Variants in PXDNL observed in about 807,000 individuals in gnomAD.
PXDNL encodes the protein peroxidasin like.
Under a neutral mutation model 150.8 loss-of-function variants are expected in PXDNL, and 145 were observed. The observed-to-expected ratio is 0.96, with a 90% CI of 0.84 to 1.10. The LOEUF is 1.10. PXDNL is among the 50% of genes least tolerant of loss of function. PXDNL has a pLI of 0.00. For missense variants in PXDNL, 2,087 were observed against 1,873.9 expected (o/e 1.11, Z -2.10); for synonymous variants, 757 against 725.7 (o/e 1.04, Z -0.69).
At chr8:51,610,025 A>C (rs1279118379) in intron 2 of PXDNL, among the ~76,000 whole-genome samples, 1 of 96,736 alleles carries the variant, frequency 1.0e-5, no homozygotes, top group Non-Finnish European at 2.0e-5. Context: ...CTATTAATAC[A>C]ATAATCTTTC....
intron 12 of PXDNL, among the ~76,000 whole-genome samples, chr8:51,443,731 A>C (rs1809607658): frequency 6.6e-6 from 1 of 152,214 alleles, no homozygotes; most frequent in African/African-American, 2.4e-5. Flanking sequence ...TTTCAAATTC[A>C]ATCTCTTACA....
chr8:51,629,613 G>C (rs1477559358), intron 2 of PXDNL, among the ~76,000 whole-genome samples: 1 of 152,080 alleles, frequency 6.6e-6, no homozygotes, highest in East Asian at 1.9e-4. Flanking sequence ...GATCCGCAGA[G>C]AGACAAATTA....
chr8:51,454,017 C>T (rs891554766), intron 9 of PXDNL, among the ~76,000 whole-genome samples: 8 of 152,012 alleles, frequency 5.3e-5, no homozygotes, highest in South Asian at 4.1e-4. Flanking sequence ...CTTGATATCA[C>T]GATGTGTTAT....
intron 3 of PXDNL, among the ~76,000 whole-genome samples, chr8:51,586,095 T>A (rs1335034310): frequency 6.6e-6 from 1 of 152,178 alleles, no homozygotes; most frequent in African/African-American, 2.4e-5. Flanking sequence ...CACCAAAATA[T>A]GGAGCCTGTT....
At chr8:51,602,963 C>A (rs1486921287) in intron 2 of PXDNL, among the ~76,000 whole-genome samples, 3 of 151,170 alleles carry the variant, frequency 2.0e-5, no homozygotes, top group Non-Finnish European at 4.4e-5. Context: ...TTTTCTTAAG[C>A]TTTGTAGTTT....
At chr8:51,572,723 G>T (rs931173749) in intron 3 of PXDNL, among the ~76,000 whole-genome samples, 2 of 151,826 alleles carry the variant, frequency 1.3e-5, no homozygotes, top group Non-Finnish European at 2.9e-5. Flanking sequence ...TGTAATATAT[G>T]TCTTAACACA....
chr8:51,675,613 T>C (rs1418903541), intron 1 of PXDNL, among the ~76,000 whole-genome samples: 1 of 151,740 alleles, frequency 6.6e-6, no homozygotes, highest in African/African-American at 2.4e-5. Flanking sequence ...ACCAATATGG[T>C]GAAACCCTGT....
At chr8:51,456,572 C>T (rs1586121974) in intron 9 of PXDNL, among the ~76,000 whole-genome samples, 1 of 152,328 alleles carries the variant, frequency 6.6e-6, no homozygotes, top group Admixed American at 6.5e-5. Context: ...ACTAAATAAA[C>T]TTACAATCAA....
At chr8:51,411,102 A>G in intron 16 of PXDNL, 148 bp downstream of exon 16, 1 of 595,876 alleles carries the variant, frequency 1.7e-6, no homozygotes, top group Non-Finnish European at 2.6e-6. Flanking sequence ...TATGAGAAAC[A>G]TCTGCATTTA....
intron 4 of PXDNL, among the ~76,000 whole-genome samples, chr8:51,506,814 T>C (rs1455686053): frequency 6.6e-6 from 1 of 152,160 alleles, no homozygotes; most frequent in African/African-American, 2.4e-5. Flanking sequence ...GTCTTCTCAC[T>C]GTCTTTAGCA....
intron 1 of PXDNL, among the ~76,000 whole-genome samples, chr8:51,787,645 T>C (rs1004092239): frequency 2.6e-5 from 4 of 152,220 alleles, no homozygotes; most frequent in African/African-American, 4.8e-5. Flanking sequence ...GCAAAGAAAG[T>C]AGTTTCTTAA....
chr8:51,622,094 C>T (rs1814270276), intron 2 of PXDNL, among the ~76,000 whole-genome samples: 1 of 152,114 alleles, frequency 6.6e-6, no homozygotes. Context: ...AGATTCAAAG[C>T]ATAAAAAGGA....
chr8:51,583,156 T>C (rs1264073461), intron 3 of PXDNL, among the ~76,000 whole-genome samples: 1 of 152,192 alleles, frequency 6.6e-6, no homozygotes, highest in Non-Finnish European at 1.5e-5. Flanking sequence ...GTTAGTCCAT[T>C]GGCATCGCTT....
intron 17 of PXDNL, among the ~76,000 whole-genome samples, chr8:51,390,698 C>CA (rs1807868885): frequency 6.6e-6 from 1 of 151,832 alleles, no homozygotes; most frequent in Non-Finnish European, 1.5e-5. Flanking sequence ...AATGAGGTGA[C>CA]AAGCCGACCT....
At chr8:51,750,083 A>AT (rs1198446292) in intron 1 of PXDNL, among the ~76,000 whole-genome samples, 1 of 152,116 alleles carries the variant, frequency 6.6e-6, no homozygotes, top group Non-Finnish European at 1.5e-5. Context: ...GAAAGTTTTT[A>AT]TTTTTTTCCA....
At chr8:51,502,606 C>G (rs1017797691) in intron 4 of PXDNL, among the ~76,000 whole-genome samples, 1 of 152,128 alleles carries the variant, frequency 6.6e-6, no homozygotes, top group Non-Finnish European at 1.5e-5. Context: ...TTTAGCCAAC[C>G]TAACAACTCC....
chr8:51,592,563 C>A, intron 3 of PXDNL, 64 bp downstream of exon 3: 2 of 1,065,346 alleles, frequency 1.9e-6, no homozygotes, highest in Non-Finnish European at 1.4e-6. Context: ...AGTAAACACA[C>A]ACAAAAAAGG....
chr8:51,638,716 C>T (rs1814667509), intron 2 of PXDNL, among the ~76,000 whole-genome samples: 1 of 152,084 alleles, frequency 6.6e-6, no homozygotes, highest in South Asian at 2.1e-4. Context: ...ACTTAGAGAC[C>T]TACAAAGAGA....
chr8:51,723,395 T>A (rs887130977), intron 1 of PXDNL, among the ~76,000 whole-genome samples: 3 of 152,072 alleles, frequency 2.0e-5, no homozygotes, highest in Admixed American at 2.0e-4. Context: ...GAAACCAGAC[T>A]CAGATGCTGG....
Sources: allele counts gnomAD v4.1 joint callset (sites outside exome capture counted in the v4.1 genomes callset), GRCh38; gene constraint gnomAD v4.1.1; transcripts MANE v1.5; gene names NCBI Gene and HGNC (gene_info 2026-07-23, HGNC 2026-07-21).